Variants in EFEMP1 observed in about 807,000 individuals in gnomAD.
The protein encoded by EFEMP1 is EGF-like fibulin extracellular matrix protein 1.
EFEMP1 carries 18 observed loss-of-function variants against 65.7 expected under a neutral mutation model. The ratio of observed to expected loss-of-function variants is 0.27; its 90% CI spans 0.19 to 0.41. EFEMP1 has a LOEUF of 0.41. Ranked by LOEUF, EFEMP1 falls within the 10% of genes least tolerant of loss-of-function variation. The pLI is 1.00. For missense variants in EFEMP1, 469 were observed against 624.8 expected, an observed-to-expected ratio of 0.75 and a Z score of 2.66; for synonymous variants, 237 against 219.7, an observed-to-expected ratio of 1.08 and a Z score of -0.70.
In EFEMP1 at chr2:55,921,600, G is replaced by A. The variant is rs2104457399; in HGVS notation, c.81+760C>T. On this transcript the variant is annotated intron_variant, in intron 3 of 11. Coordinates refer to ENST00000355426, the MANE Select transcript of EFEMP1 (RefSeq NM_001039348.3). The surrounding 1 kb of genome is among the most constrained non-coding windows in gnomAD (Gnocchi z 4.1). ...TGCAAACAAACTCACCAGAAGTGAA[G>A]TCAGTACTGTCCTTCTCTGTTCTCA... 6.6e-6 allele frequency among the ~76,000 whole-genome samples: 1 copy of A among 152,326 alleles called. No homozygotes were observed. Among genetic ancestry groups the A allele is most frequent in the South Asian group, 2.1e-4 (1 of 4,828 alleles).
intron 5 of EFEMP1, among the ~76,000 whole-genome samples, chr2:55,902,044 G>GA (rs1314636900): frequency 6.6e-6 from 1 of 152,214 alleles, no homozygotes; most frequent in Non-Finnish European, 1.5e-5. Flanking sequence ...GTCGAGCTTT[G>GA]AATGAGCTGC....
At chr2:55,904,669 A>C (rs761414631) in intron 5 of EFEMP1, among the ~76,000 whole-genome samples, 25 of 152,186 alleles carry the variant, frequency 1.6e-4, no homozygotes, top group Admixed American at 1.2e-3. Context: ...CCTGGTTCTC[A>C]GATTTTTTGG....
chr2:55,875,982 A>G (rs1669021159), intron 8 of EFEMP1, among the ~76,000 whole-genome samples: 1 of 151,980 alleles, frequency 6.6e-6, no homozygotes, highest in Non-Finnish European at 1.5e-5. Flanking sequence ...CAGGGACATC[A>G]AGTGTCTGTG....
rs577926275 is a variant in EFEMP1, at chr2:55,883,795, T to C, written c.518-2061A>G. Among the ~76,000 whole-genome samples, 5 of 152,170 alleles carry C rather than the reference T, an allele frequency of 3.3e-5. No individual in the cohort carries two copies. The highest frequency in any genetic ancestry group is 4.4e-5 in the Non-Finnish European group (3 of 68,026). On this transcript the variant is annotated intron_variant, in intron 5 of 11. Transcript: ENST00000355426. The surrounding 1 kb of genome is among the most constrained non-coding windows in gnomAD (Gnocchi z 4.5). ...GAATTAATGTATCATTAAGTAGATTTTAAACACAAAAACCTGTGCTACTCC... is the reference window on the plus strand; with the variant it reads ...GAATTAATGTATCATTAAGTAGATTCTAAACACAAAAACCTGTGCTACTCC...
At chr2:55,892,025 G>A (rs1030757463) in intron 5 of EFEMP1, among the ~76,000 whole-genome samples, 3 of 152,182 alleles carry the variant, frequency 2.0e-5, no homozygotes, top group African/African-American at 7.2e-5. Context: ...TCAGTGTTGT[G>A]AAGCAACAGC....
intron 4 of EFEMP1, 78 bp from the exon 5 acceptor site, chr2:55,918,129 T>C: frequency 6.2e-7 from 1 of 1,613,202 alleles, no homozygotes; most frequent in South Asian, 1.1e-5. Context: ...CTCATGCCTT[T>C]TTGGTATAAC....
At chr2:55,907,693 G>A (rs1388180411) in intron 5 of EFEMP1, among the ~76,000 whole-genome samples, 1 of 152,168 alleles carries the variant, frequency 6.6e-6, no homozygotes, top group Non-Finnish European at 1.5e-5. Flanking sequence ...CCCTAACCCG[G>A]GTTGTGACAG....
At chr2:55,908,986 G>C (rs1183901147) in intron 5 of EFEMP1, among the ~76,000 whole-genome samples, 3 of 152,110 alleles carry the variant, frequency 2.0e-5, no homozygotes, top group Non-Finnish European at 4.4e-5. Context: ...TAGTAATCCA[G>C]GATATAAAGA....
rs1353284494 is a variant in EFEMP1 at position 55,881,754 on chromosome 2, CAGAA to C, written c.518-24_518-21del. 1.2e-6 allele frequency: 2 copies of C among 1,613,774 alleles called. No homozygotes were observed. The highest frequency in any genetic ancestry group is 1.6e-4 in the Middle Eastern group (1 of 6,078). On this transcript the variant is annotated intron_variant, in intron 5 of 11. Transcript: ENST00000355426. ...CTATGTCTGTCAGAGACATGCAACA[CAGAA>C]AGAATTGTCAGTTGTGAAGATGTTG... is the stretch of plus-strand genomic sequence containing the variant.
intron 9 of EFEMP1, 97 bp downstream of exon 9, chr2:55,874,849 G>A: frequency 7.6e-7 from 1 of 1,320,658 alleles, no homozygotes; most frequent in South Asian, 1.5e-5. Flanking sequence ...ATTGAAAGTG[G>A]GAAAAATGAA....
chr2:55,922,673 G>C lies in EFEMP1; in HGVS notation c.-8+226C>G. On this transcript the variant is annotated intron_variant, in intron 2 of 11. Transcript: ENST00000355426. This position sits in a 1 kb window ranked among gnomAD's most constrained non-coding sequence, Gnocchi z 5.5. ...AAACTGCTGTAGAATTGCATTTCAC[G>C]TTACTCCATCCTGCTACGCTGTTTA... 1 of 527,508 alleles carries C rather than the reference G, an allele frequency of 1.9e-6. No homozygotes were observed. Among genetic ancestry groups the C allele is most frequent in the East Asian group, 4.1e-5 (1 of 24,614 alleles). 32.7% of individuals were successfully genotyped at this position (527,508 alleles called of 1,614,324 possible).
At chr2:55,900,627 T>C (rs543857061) in intron 5 of EFEMP1, among the ~76,000 whole-genome samples, 2 of 151,714 alleles carry the variant, frequency 1.3e-5, no homozygotes, top group Admixed American at 6.6e-5. Flanking sequence ...CTTTGGATTT[T>C]AGTTATACTT....
rs1452065576 is a variant in EFEMP1 at position 55,885,145 on chromosome 2, C to A, written c.518-3411G>T. Among the ~76,000 whole-genome samples the A allele has an allele frequency of 6.6e-6, 1 of 152,142 alleles. No homozygotes were observed. Among genetic ancestry groups the A allele is most frequent in the Non-Finnish European group, 1.5e-5 (1 of 68,024 alleles). On this transcript the variant is annotated intron_variant, in intron 5 of 11. Transcript: ENST00000355426. The surrounding 1 kb of genome is among the most constrained non-coding windows in gnomAD (Gnocchi z 4.3). ...AGTGCAGAGGCTATGAGGTATAAAG[C>A]AGATTCGCCAGAAGAGGTGGGTTCT...
intron 5 of EFEMP1, among the ~76,000 whole-genome samples, chr2:55,905,459 G>A (rs1461364978): frequency 1.3e-5 from 2 of 151,900 alleles, no homozygotes; most frequent in Non-Finnish European, 2.9e-5. Flanking sequence ...TCTTTTTTGT[G>A]TGTGTGTGAC....
At chr2:55,907,892 G>A (rs1400028842) in intron 5 of EFEMP1, among the ~76,000 whole-genome samples, 2 of 152,180 alleles carry the variant, frequency 1.3e-5, no homozygotes, top group Admixed American at 6.5e-5. Flanking sequence ...CTCCTGTCAT[G>A]ATTCTCATTT....
In EFEMP1 at chr2:55,870,908, C is replaced by T; in HGVS notation, c.1132G>A (p.Val378Ile). 1 of 1,613,752 alleles carries T rather than the reference C, an allele frequency of 6.2e-7. No homozygotes were observed. The highest frequency in any genetic ancestry group is 1.7e-4 in the Middle Eastern group (1 of 6,060). Residue 378 changes from valine to isoleucine, a missense_variant, in exon 11 of 12, where the codon GTT (valine) becomes ATT (isoleucine). By Grantham distance (29) the Val-to-Ile change is conservative. Around this residue, in one of 3 missense-constraint regions of EFEMP1, gnomAD observed 399 missense variants for 528.2 expected, o/e 0.76. Coordinates refer to ENST00000355426, the MANE Select transcript of EFEMP1 (RefSeq NM_001039348.3). The surrounding 1 kb of genome is among the most constrained non-coding windows in gnomAD (Gnocchi z 5.8). ...CACATGGCATTTGAGACTGGGCAAA[C>T]ACATCGGCTGCAGAGACAAACAAAA... is the stretch of plus-strand genomic sequence containing the variant. ...PYILTPENRC[V>I]CPVSNAMCRE... is the part of the protein sequence containing the mutation.
At chr2:55,879,018 C>A (rs891867096) in intron 6 of EFEMP1, among the ~76,000 whole-genome samples, 1 of 152,188 alleles carries the variant, frequency 6.6e-6, no homozygotes, top group South Asian at 2.1e-4. Context: ...AATGTCACCT[C>A]CTCAGGGTGG....
intron 5 of EFEMP1, among the ~76,000 whole-genome samples, chr2:55,916,095 C>A (rs1572848418): frequency 6.7e-6 from 1 of 148,940 alleles, no homozygotes. Context: ...CAGAGCATGA[C>A]AAGTTTCCTT....
In EFEMP1 at chr2:55,883,015, T is replaced by C. The variant is rs1263212304; in HGVS notation, c.518-1281A>G. Among the ~76,000 whole-genome samples, 6 of 152,174 alleles carry C rather than the reference T, an allele frequency of 3.9e-5. No homozygotes were observed. The highest frequency in any genetic ancestry group is 3.3e-4 in the Admixed American group (5 of 15,286). On this transcript the variant is annotated intron_variant, in intron 5 of 11. Transcript: ENST00000355426. The surrounding 1 kb of genome is among the most constrained non-coding windows in gnomAD (Gnocchi z 4.5). ...CAAGGAGGACTGCGCATTTACACTA[T>C]GCAGTATAATAATATATGAAGTTGA... is the stretch of plus-strand genomic sequence containing the variant.
Sources: allele counts gnomAD v4.1 joint callset (sites outside exome capture counted in the v4.1 genomes callset), GRCh38; gene constraint gnomAD v4.1.1; regional missense constraint gnomAD v4.1.1; non-coding constraint Gnocchi (gnomAD v3.1); transcripts MANE v1.5; gene names NCBI Gene and HGNC (gene_info 2026-07-23, HGNC 2026-07-21).